Variants in SSBP2 observed in about 807,000 individuals in gnomAD.
SSBP2 encodes the protein single-stranded DNA-binding protein 2.
In SSBP2, 17 loss-of-function variants were observed where a neutral mutation model predicts 61.8. The ratio of observed to expected loss-of-function variants is 0.28; its 90% CI spans 0.19 to 0.41. The LOEUF (loss-of-function observed/expected upper bound fraction) is 0.41, where lower values mean the gene tolerates loss of function less well. Among genes scored for constraint, SSBP2 ranks in the 10% least tolerant of loss-of-function variants. The pLI, the probability that SSBP2 is intolerant of heterozygous loss-of-function variation, is 1.00. For synonymous variants in SSBP2, 139 were observed against 141.3 expected (o/e 0.98, Z 0.12); for missense variants, 310 against 458.7 (o/e 0.68, Z 2.96).
intron 5 of SSBP2, among the ~76,000 whole-genome samples, chr5:81,511,984 G>T (rs1490984747): frequency 6.6e-6 from 1 of 152,124 alleles, no homozygotes; most frequent in African/African-American, 2.4e-5. Flanking sequence ...AAAAATGTAT[G>T]GATTTATACA....
chr5:81,480,747 A>G lies in SSBP2; in HGVS notation c.433-6185T>C, dbSNP rs896271389. On this transcript the variant is annotated intron_variant, in intron 6 of 16. Transcript: ENST00000320672. ...TAAAATAGATAACAATGTTTATTGCATCGATGGACTCTTCCTTTCACAAAT... is the reference window on the plus strand; with the variant it reads ...TAAAATAGATAACAATGTTTATTGCGTCGATGGACTCTTCCTTTCACAAAT... Among the ~76,000 whole-genome samples, 3 of 152,212 alleles carry G rather than the reference A, an allele frequency of 2.0e-5. No homozygotes were observed. In the South Asian group the frequency reaches 6.2e-4, roughly 32 times the overall value.
At chr5:81,452,560 TAGG>T (rs759422146) in intron 10 of SSBP2, among the ~76,000 whole-genome samples, 33 of 151,762 alleles carry the variant, frequency 2.2e-4, no homozygotes, top group Admixed American at 7.9e-4. Context: ...TAAGCAAGAG[TAGG>T]AGAATTTGAG....
At chr5:81,588,022 T>G (rs1775204870) in intron 4 of SSBP2, among the ~76,000 whole-genome samples, 1 of 152,154 alleles carries the variant, frequency 6.6e-6, no homozygotes, top group South Asian at 2.1e-4. Context: ...TGGAGTGCAG[T>G]GGCACAATCA....
intron 1 of SSBP2, among the ~76,000 whole-genome samples, chr5:81,736,518 G>C (rs987752174): frequency 6.6e-6 from 1 of 151,976 alleles, no homozygotes; most frequent in South Asian, 2.1e-4. Flanking sequence ...TTGGTCAAGT[G>C]GCTTTGATGT....
intron 2 of SSBP2, among the ~76,000 whole-genome samples, chr5:81,642,853 A>C (rs1748911250): frequency 1.3e-5 from 2 of 152,238 alleles, no homozygotes; most frequent in Non-Finnish European, 2.9e-5. Context: ...ATAAGCTAAC[A>C]TTTGTACAAA....
intron 4 of SSBP2, among the ~76,000 whole-genome samples, chr5:81,592,485 A>G (rs1775599633): frequency 6.6e-6 from 1 of 152,202 alleles, no homozygotes; most frequent in Admixed American, 6.5e-5. Flanking sequence ...ACAGCTTTGA[A>G]GAGAGTAGTG....
intron 10 of SSBP2, among the ~76,000 whole-genome samples, chr5:81,452,329 T>C (rs6868422): frequency 0.45 from 69,015 of 152,128 alleles, 19,852 homozygotes; most frequent in African/African-American, 0.82. Context: ...GCCTCACTTT[T>C]TTCTCCAAGC....
chr5:81,649,239 T>C (rs927798329), intron 2 of SSBP2, among the ~76,000 whole-genome samples: 10 of 152,194 alleles, frequency 6.6e-5, no homozygotes, highest in Admixed American at 1.3e-4. Flanking sequence ...TTATAAGAAT[T>C]AGAGATAATA....
intron 1 of SSBP2, among the ~76,000 whole-genome samples, chr5:81,726,372 T>C (rs1755891425): frequency 6.6e-6 from 1 of 152,180 alleles, no homozygotes. Context: ...CCAAAGGTTC[T>C]ACTGTTCAAT....
At chr5:81,651,032 C>T (rs536816875) in intron 1 of SSBP2, among the ~76,000 whole-genome samples, 3 of 152,262 alleles carry the variant, frequency 2.0e-5, no homozygotes, top group Admixed American at 1.3e-4. Flanking sequence ...GTTGTATACA[C>T]AAACTACTCT....
At chr5:81,594,954 C>T (rs1347179074) in intron 4 of SSBP2, among the ~76,000 whole-genome samples, 3 of 151,996 alleles carry the variant, frequency 2.0e-5, no homozygotes, top group Admixed American at 6.6e-5. Context: ...AGAGCAAACA[C>T]GTTCAAAAGC....
intron 1 of SSBP2, among the ~76,000 whole-genome samples, chr5:81,715,774 G>A (rs1229573644): frequency 6.6e-6 from 1 of 152,100 alleles, no homozygotes; most frequent in Non-Finnish European, 1.5e-5. Context: ...AAGATAGATG[G>A]CCAGGTGCAG....
At chr5:81,572,470 A>G (rs2153449564) in intron 4 of SSBP2, among the ~76,000 whole-genome samples, 1 of 152,336 alleles carries the variant, frequency 6.6e-6, no homozygotes, top group East Asian at 1.9e-4. Flanking sequence ...AGATTTAAAT[A>G]GTCATCAAGA....
intron 1 of SSBP2, among the ~76,000 whole-genome samples, chr5:81,689,372 A>G (rs981316990): frequency 2.0e-5 from 3 of 152,164 alleles, no homozygotes; most frequent in Admixed American, 1.3e-4. Flanking sequence ...CAATAAAGTT[A>G]TAGAACACTA....
chr5:81,678,538 C>T (rs954183016), intron 1 of SSBP2, among the ~76,000 whole-genome samples: 6 of 151,888 alleles, frequency 4.0e-5, no homozygotes, highest in East Asian at 3.9e-4. Context: ...TCCAAATTAA[C>T]GTCAAACACC....
rs968052252 is a variant in SSBP2 at position 81,455,390 on chromosome 5, C to T, written c.687+5665G>A. Among the ~76,000 whole-genome samples the T allele has an allele frequency of 7.4e-5, 4 of 53,780 alleles. 2 individuals are homozygous for T. The highest frequency in any genetic ancestry group is 1.4e-3 in the African/African-American group (2 of 1,472). 35.3% of individuals were successfully genotyped at this position (53,780 alleles called of 152,430 possible). A position where few individuals can be genotyped will look rare whatever the true frequency, so the allele number is the denominator to read the frequency against. ...ATCCCAGCACTTTGGGAGGCCGAGG[C>T]GGGTGGATCATGAGGTCAGGAGATC... On this transcript the variant is annotated intron_variant, in intron 10 of 16. Coordinates refer to ENST00000320672, the MANE Select transcript of SSBP2 (RefSeq NM_012446.5).
chr5:81,701,365 T>C (rs1753971732), intron 1 of SSBP2, among the ~76,000 whole-genome samples: 1 of 152,062 alleles, frequency 6.6e-6, no homozygotes, highest in Admixed American at 6.5e-5. Flanking sequence ...TAGAACCTCA[T>C]AATAGATATA....
At chr5:81,725,180 A>C (rs932147847) in intron 1 of SSBP2, among the ~76,000 whole-genome samples, 1 of 152,174 alleles carries the variant, frequency 6.6e-6, no homozygotes, top group Non-Finnish European at 1.5e-5. Flanking sequence ...TGAGTGAGCC[A>C]CGTGAATAAG....
chr5:81,633,853 G>A (rs1264779891), intron 3 of SSBP2, among the ~76,000 whole-genome samples: 1 of 152,202 alleles, frequency 6.6e-6, no homozygotes, highest in Non-Finnish European at 1.5e-5. Context: ...GCTCCGCAAT[G>A]ATTATACACT....
Sources: gnomAD v4.1 joint callset for allele counts (sites outside exome capture counted in the v4.1 genomes callset) on GRCh38, gnomAD v4.1.1 for gene constraint, MANE v1.5 for transcripts, NCBI Gene and HGNC (gene_info 2026-07-23, HGNC 2026-07-21) for gene names.